Variants in CCSER1 observed in about 807,000 individuals in gnomAD.
The protein encoded by CCSER1 is coiled-coil serine rich protein 1.
In CCSER1, 41 loss-of-function variants were observed where a neutral mutation model predicts 82.0. The observed-to-expected ratio is 0.50, with a 90% CI of 0.39 to 0.65. The LOEUF is 0.65. CCSER1 is among the 30% of genes least tolerant of loss of function. CCSER1 has a pLI of 0.00. For missense variants in CCSER1, 1,119 were observed against 1,064.2 expected (o/e 1.05, Z -0.72); for synonymous variants, 414 against 383.9 (o/e 1.08, Z -0.92).
At chr4:91,114,563 A>C (rs1257560753) in intron 10 of CCSER1, among the ~76,000 whole-genome samples, 2 of 152,184 alleles carry the variant, frequency 1.3e-5, no homozygotes, top group Non-Finnish European at 2.9e-5. Flanking sequence ...ACACTGTCAG[A>C]AAGAATGATG....
chr4:91,333,335 C>T (rs1747089036), intron 10 of CCSER1, among the ~76,000 whole-genome samples: 1 of 151,996 alleles, frequency 6.6e-6, no homozygotes, highest in South Asian at 2.1e-4. Context: ...AGTGTTATGT[C>T]ACCTGAAACA....
intron 10 of CCSER1, among the ~76,000 whole-genome samples, chr4:91,150,722 C>T (rs1018641078): frequency 1.3e-5 from 2 of 150,934 alleles, no homozygotes; most frequent in Non-Finnish European, 3.0e-5. Flanking sequence ...AAGGCCTTTT[C>T]TGCATCATGT....
intron 4 of CCSER1, among the ~76,000 whole-genome samples, chr4:90,446,637 AG>A (rs1207478568): frequency 2.0e-5 from 3 of 152,192 alleles, no homozygotes; most frequent in Non-Finnish European, 4.4e-5. Context: ...TTCAAGTAAA[AG>A]GAAATCTCTT....
intron 8 of CCSER1, among the ~76,000 whole-genome samples, chr4:90,871,732 G>C (rs1028333970): frequency 2.6e-5 from 4 of 151,652 alleles, no homozygotes; most frequent in African/African-American, 9.7e-5. Flanking sequence ...TTTTCTATCT[G>C]TGTGATCTCT....
intron 10 of CCSER1, among the ~76,000 whole-genome samples, chr4:91,291,221 A>G (rs945007040): frequency 1.4e-4 from 22 of 152,012 alleles, no homozygotes; most frequent in African/African-American, 5.1e-4. Context: ...AATTAAAGTC[A>G]AGATTAAGGC....
chr4:91,178,200 T>C (rs1733606415), intron 10 of CCSER1, among the ~76,000 whole-genome samples: 1 of 152,226 alleles, frequency 6.6e-6, no homozygotes, highest in Admixed American at 6.5e-5. Context: ...TTCTGTTATT[T>C]TACATTTGCT....
intron 1 of CCSER1, among the ~76,000 whole-genome samples, chr4:90,293,764 G>C (rs1731354173): frequency 2.0e-5 from 3 of 151,586 alleles, no homozygotes; most frequent in Non-Finnish European, 4.4e-5. Flanking sequence ...AAAAGAACAT[G>C]CATCTCAGAT....
At chr4:91,537,340 G>C (rs1761347966) in intron 10 of CCSER1, among the ~76,000 whole-genome samples, 1 of 151,994 alleles carries the variant, frequency 6.6e-6, no homozygotes, top group Non-Finnish European at 1.5e-5. Context: ...ATATACATTT[G>C]AACCTAGACA....
chr4:90,732,649 A>G (rs993669495), intron 7 of CCSER1, among the ~76,000 whole-genome samples: 1 of 152,186 alleles, frequency 6.6e-6, no homozygotes, highest in African/African-American at 2.4e-5. Context: ...GTTACCAGTC[A>G]GTCAAGTTCT....
chr4:90,887,159 T>C (rs1292891064), intron 8 of CCSER1, among the ~76,000 whole-genome samples: 1 of 151,948 alleles, frequency 6.6e-6, no homozygotes, highest in East Asian at 1.9e-4. Flanking sequence ...CAATCTTAGG[T>C]AGAATTAAGA....
Position 91,538,698 on chromosome 4 carries a change from C to CAT in CCSER1, c.2218-59862_2218-59861dup, listed in dbSNP as rs1553952293. On this transcript the variant is annotated intron_variant, in intron 10 of 10. Transcript: ENST00000509176. Reference sequence around the variant, plus strand: ...ATATATGATATATATTATATATACACATATATATATATAATATCTCAGTGC... The same window carrying CAT: ...ATATATGATATATATTATATATACACATATATATATATATAATATCTCAGTGC... 1.2e-4 allele frequency among the ~76,000 whole-genome samples: 17 copies of CAT among 138,322 alleles called. 1 individual carries two copies. The highest frequency in any genetic ancestry group is 2.2e-4 in the African/African-American group (8 of 36,398). The allele number at this position is 138,322 out of a possible 152,430, so 90.7% of individuals were successfully genotyped here. A position where few individuals can be genotyped will look rare whatever the true frequency, so the allele number is the denominator to read the frequency against.
intron 10 of CCSER1, among the ~76,000 whole-genome samples, chr4:91,453,166 A>G (rs895356864): frequency 6.6e-6 from 1 of 152,012 alleles, no homozygotes; most frequent in Admixed American, 6.6e-5. Context: ...GTAGTAGTTC[A>G]TGGTGATTCT....
At chr4:90,657,184 G>A (rs533922177) in intron 6 of CCSER1, among the ~76,000 whole-genome samples, 2 of 152,044 alleles carry the variant, frequency 1.3e-5, no homozygotes, top group South Asian at 4.1e-4. Context: ...TCCTTAAAAA[G>A]CCACCTATAT....
chr4:90,866,149 G>A (rs983594936), intron 8 of CCSER1, among the ~76,000 whole-genome samples: 2 of 151,800 alleles, frequency 1.3e-5, no homozygotes, highest in Non-Finnish European at 2.9e-5. Context: ...GATTTGAGTG[G>A]CAACAGAGAT....
intron 10 of CCSER1, among the ~76,000 whole-genome samples, chr4:91,562,738 A>G (rs1177230042): frequency 6.6e-6 from 1 of 151,620 alleles, no homozygotes; most frequent in Non-Finnish European, 1.5e-5. Context: ...TAATAATAAA[A>G]TTATTTTGAA....
At chr4:91,387,452 T>C (rs1395889922) in intron 10 of CCSER1, among the ~76,000 whole-genome samples, 1 of 151,976 alleles carries the variant, frequency 6.6e-6, no homozygotes, top group Non-Finnish European at 1.5e-5. Context: ...GAGAAAAAAA[T>C]GATTTGATCA....
chr4:90,610,595 A>T (rs1785335185), intron 5 of CCSER1, among the ~76,000 whole-genome samples: 1 of 152,208 alleles, frequency 6.6e-6, no homozygotes. Flanking sequence ...ATTTTAGGCT[A>T]GTCTACCACT....
chr4:90,225,265 A>G (rs1267630300), intron 1 of CCSER1, among the ~76,000 whole-genome samples: 1 of 136,766 alleles, frequency 7.3e-6, no homozygotes, highest in Non-Finnish European at 1.6e-5. Context: ...TTGTAGAGAC[A>G]AGGTTTTTCC....
At chr4:91,496,564 G>GTATATATATATA (rs367939121) in intron 10 of CCSER1, among the ~76,000 whole-genome samples, 5 of 17,638 alleles carry the variant, frequency 2.8e-4, no homozygotes, top group Non-Finnish European at 4.5e-4. Context: ...CATAAATCTT[G>GTATATATATATA]TATATATATA....
Sources: allele counts gnomAD v4.1 joint callset (sites outside exome capture counted in the v4.1 genomes callset), GRCh38; gene constraint gnomAD v4.1.1; transcripts MANE v1.5; gene names NCBI Gene and HGNC (gene_info 2026-07-23, HGNC 2026-07-21).